The following EXOC5 variants were observed in gnomAD, a reference collection of about 807,000 sequenced individuals.
EXOC5 encodes the protein SEC10-like 1.
Under a neutral mutation model 90.8 loss-of-function variants are expected in EXOC5, and 17 were observed. The ratio of observed to expected loss-of-function variants is 0.19; its 90% CI spans 0.13 to 0.28. EXOC5 has a LOEUF of 0.28. EXOC5 is among the 10% of genes least tolerant of loss of function. The probability of loss-of-function intolerance (pLI) is 1.00; values close to 1 mark genes in which losing one functional copy is unlikely to be tolerated. For synonymous variants in EXOC5, 260 were observed against 270.0 expected, an observed-to-expected ratio of 0.96 and a Z score of 0.36; for missense variants, 569 against 830.6, an observed-to-expected ratio of 0.69 and a Z score of 3.87.
At chr14:57,246,680 T>G in intron 3 of EXOC5, 31 bp downstream of exon 3, 1 of 1,579,070 alleles carries the variant, frequency 6.3e-7, no homozygotes, top group Non-Finnish European at 8.7e-7. Context: ...ATAGCCTATA[T>G]AAAATACCCA....
rs957010270 is a variant in EXOC5 at position 57,201,688 on chromosome 14, CA to C, written c.*6920del. The C allele has an allele frequency of 6.6e-6, 1 of 150,446 alleles. No individual in the cohort carries two copies. The highest frequency in any genetic ancestry group is 2.4e-5 in the African/African-American group (1 of 41,024). The allele number at this position is 150,446 out of a possible 1,614,324, so 9.3% of individuals were successfully genotyped here. ...TCACTTAAGGCTAGGAGTTTGACAC[CA>C]GCCTGACCAACACGGCAAAACCCCA... On this transcript the variant is annotated 3_prime_UTR_variant, in exon 18 of 18. Transcript: ENST00000621441.
chr14:57,239,689 TA>T, intron 4 of EXOC5, 30 bp from the exon 5 acceptor site: 5 of 1,388,982 alleles, frequency 3.6e-6, no homozygotes, highest in Non-Finnish European at 3.9e-6. Context: ...AGCAATAATT[TA>T]AAAAACTTTT....
At position 57,205,786 on chromosome 14, in the gene EXOC5, C is replaced by T; in HGVS notation, c.*2823G>A. 2.4e-6 allele frequency: 1 copy of T among 425,468 alleles called. No homozygotes were observed. Among genetic ancestry groups the T allele is most frequent in the Non-Finnish European group, 4.6e-6 (1 of 219,380 alleles). The allele number at this position is 425,468 out of a possible 1,614,324, so 26.4% of individuals were successfully genotyped here. ...GATCTACAATGTAATATAAATTAACCTAATTTAAATTAGATTTTAATTTAA... is the reference window on the plus strand; with the variant it reads ...GATCTACAATGTAATATAAATTAACTTAATTTAAATTAGATTTTAATTTAA... On this transcript the variant is annotated 3_prime_UTR_variant, in exon 18 of 18. Transcript: ENST00000621441.
Position 57,251,179 on chromosome 14 carries a change from T to C in EXOC5, c.28-3467A>G, listed in dbSNP as rs545284856. 2.6e-5 allele frequency among the ~76,000 whole-genome samples: 4 copies of C among 152,302 alleles called. No homozygotes were observed. In the South Asian group the frequency reaches 6.2e-4, roughly 24 times the overall value. ...TGGTCAATTTCAGCTCTTAGCACAA[T>C]AGCAGCTACCCAGGTCCCACCCTAG... On this transcript the variant is annotated intron_variant, in intron 1 of 17. Coordinates refer to ENST00000621441, the MANE Select transcript of EXOC5 (RefSeq NM_006544.4).
chr14:57,238,373 TATACAC>T (rs1338831680), intron 5 of EXOC5, among the ~76,000 whole-genome samples: 4 of 79,940 alleles, frequency 5.0e-5, no homozygotes, highest in Admixed American at 4.1e-4. Context: ...TATATATATA[TATACAC>T]ACACACACAC....
chr14:57,220,739 G>A (rs557075333), intron 13 of EXOC5, among the ~76,000 whole-genome samples: 2 of 152,176 alleles, frequency 1.3e-5, no homozygotes, highest in South Asian at 4.1e-4. Flanking sequence ...GTTCAAAGTT[G>A]CCATGAGCCA....
chr14:57,263,269 G>A (rs1019694299), intron 1 of EXOC5, among the ~76,000 whole-genome samples: 1 of 152,094 alleles, frequency 6.6e-6, no homozygotes, highest in Non-Finnish European at 1.5e-5. Context: ...CCTGGAGTTG[G>A]AGACTAGCCT....
chr14:57,253,471 A>G (rs1449498469), intron 1 of EXOC5, among the ~76,000 whole-genome samples: 1 of 152,222 alleles, frequency 6.6e-6, no homozygotes, highest in Non-Finnish European at 1.5e-5. Flanking sequence ...ACCCAAAGTG[A>G]TCTACAGATT....
chr14:57,228,726 G>A (rs184746867), intron 12 of EXOC5, among the ~76,000 whole-genome samples: 1 of 151,916 alleles, frequency 6.6e-6, no homozygotes, highest in East Asian at 1.9e-4. Context: ...GACTAAGGGA[G>A]GAATAGCATT....
chr14:57,268,888 T>A lies in EXOC5; in HGVS notation c.-240A>T. On this transcript the variant is annotated 5_prime_UTR_variant, in exon 1 of 18. The change abolishes an upstream ATG in the 5' untranslated region. Transcript: ENST00000621441. ...CGCTGCTCCCATTGTCACCGCCTCA[T>A]ACGCCGGAAGTGGAACTGCGCGCGC... 1.8e-6 allele frequency: 2 copies of A among 1,093,930 alleles called. No homozygotes were observed. Among genetic ancestry groups the A allele is most frequent in the Non-Finnish European group, 2.5e-6 (2 of 807,626 alleles). The allele number at this position is 1,093,930 out of a possible 1,614,324, so 67.8% of individuals were successfully genotyped here. A position where few individuals can be genotyped will look rare whatever the true frequency, so the allele number is the denominator to read the frequency against.
chr14:57,248,800 C>A (rs559385161), intron 1 of EXOC5, among the ~76,000 whole-genome samples: 2 of 151,978 alleles, frequency 1.3e-5, no homozygotes. Flanking sequence ...AGAATTAAGT[C>A]CCAAGGATGA....
chr14:57,238,375 T>TATACACACACAC (rs1239623225), intron 5 of EXOC5, among the ~76,000 whole-genome samples: 6 of 74,894 alleles, frequency 8.0e-5, no homozygotes, highest in Non-Finnish European at 1.7e-4. Context: ...TATATATATA[T>TATACACACACAC]ACACACACAC....
rs1178279418 is a variant in EXOC5, at chr14:57,203,676, A to C, written c.*4933T>G. On this transcript the variant is annotated 3_prime_UTR_variant, in exon 18 of 18. Transcript: ENST00000621441. ...TTTACTGACCTTTCACTGATTATAA[A>C]GTAATTTAAGTGATTTTTGAAAGTA... The C allele has an allele frequency of 6.6e-6, 1 of 152,614 alleles. No individual in the cohort carries two copies. The highest frequency in any genetic ancestry group is 6.5e-5 in the Admixed American group (1 of 15,268). The allele number at this position is 152,614 out of a possible 1,614,324, so 9.5% of individuals were successfully genotyped here.
At chr14:57,257,257 G>T (rs1438492086) in intron 1 of EXOC5, among the ~76,000 whole-genome samples, 1 of 152,242 alleles carries the variant, frequency 6.6e-6, no homozygotes, top group Non-Finnish European at 1.5e-5. Context: ...ACTGAGATGG[G>T]AAGATCAGGG....
chr14:57,209,443 T>C, intron 17 of EXOC5, 124 bp downstream of exon 17: 1 of 507,438 alleles, frequency 2.0e-6, no homozygotes, highest in Non-Finnish European at 3.5e-6. Flanking sequence ...TGTGATAATC[T>C]ATCTCATACA....
rs1485787255 is a variant in EXOC5 at position 57,206,006 on chromosome 14, T to G, written c.*2603A>C. ...TGACTGTCATTTTCAACATCATAAT[T>G]TACATAAGGTAGGCTTCCTTTATTA... is the stretch of plus-strand genomic sequence containing the variant. On this transcript the variant is annotated 3_prime_UTR_variant, in exon 18 of 18. Coordinates refer to ENST00000621441, the MANE Select transcript of EXOC5 (RefSeq NM_006544.4). 2 of 454,392 alleles carry G rather than the reference T, an allele frequency of 4.4e-6. No individual in the cohort carries two copies. The highest frequency in any genetic ancestry group is 4.0e-5 in the African/African-American group (2 of 49,922). 28.1% of individuals were successfully genotyped at this position (454,392 alleles called of 1,614,324 possible).
At position 57,268,736 on chromosome 14, in the gene EXOC5, T is replaced by A; in HGVS notation, c.-88A>T. The A allele has an allele frequency of 6.7e-7, 1 of 1,501,072 alleles. No individual in the cohort carries two copies. Among genetic ancestry groups the A allele is most frequent in the South Asian group, 1.2e-5 (1 of 80,628 alleles). 93.0% of individuals were successfully genotyped at this position (1,501,072 alleles called of 1,614,324 possible). On this transcript the variant is annotated 5_prime_UTR_variant, in exon 1 of 18. Coordinates refer to ENST00000621441, the MANE Select transcript of EXOC5 (RefSeq NM_006544.4). ...AGAGGCGCGGCGCACAGGTCTCCGC[T>A]CGGCTCGCCAGCTCCGGCTCCGGGC...
intron 1 of EXOC5, among the ~76,000 whole-genome samples, chr14:57,267,537 TAC>T (rs1422039871): frequency 2.0e-5 from 3 of 152,210 alleles, no homozygotes; most frequent in East Asian, 1.9e-4. Context: ...TATTGTGGAT[TAC>T]AGTCTTCTCA....
At chr14:57,268,457 G>A (rs1188395169) in intron 1 of EXOC5, 165 bp downstream of exon 1, 8 of 1,468,450 alleles carry the variant, frequency 5.4e-6, no homozygotes, top group Non-Finnish European at 4.5e-6. Context: ...CCCATTTCAC[G>A]CTCCGCCCGC....
Sources: allele counts gnomAD v4.1 joint callset (sites outside exome capture counted in the v4.1 genomes callset), GRCh38; gene constraint gnomAD v4.1.1; transcripts MANE v1.5; gene names NCBI Gene and HGNC (gene_info 2026-07-23, HGNC 2026-07-21).